SHISA6: variants seen among roughly 807,000 people sequenced by gnomAD.
The protein encoded by SHISA6 is protein shisa-6.
In SHISA6, 22 loss-of-function variants were observed where a neutral mutation model predicts 47.9. The observed-to-expected ratio is 0.46, with a 90% CI of 0.33 to 0.66. The LOEUF is 0.66. Ranked by LOEUF, SHISA6 falls within the 30% of genes least tolerant of loss-of-function variation. SHISA6 has a pLI of 0.02. For missense variants in SHISA6, 680 were observed against 764.6 expected, an observed-to-expected ratio of 0.89 and a Z score of 1.30; for synonymous variants, 388 against 337.8, an observed-to-expected ratio of 1.15 and a Z score of -1.63.
At chr17:11,494,389 T>G (rs2071391164) in intron 3 of SHISA6, among the ~76,000 whole-genome samples, 1 of 152,222 alleles carries the variant, frequency 6.6e-6, no homozygotes, top group African/African-American at 2.4e-5. Flanking sequence ...CTGAATTGTT[T>G]GTTACTTATC....
intron 2 of SHISA6, among the ~76,000 whole-genome samples, chr17:11,319,417 G>T (rs9894162): frequency 6.6e-6 from 1 of 152,062 alleles, no homozygotes; most frequent in Non-Finnish European, 1.5e-5. Flanking sequence ...TGTGTCTGGT[G>T]TAATAGTCTC....
chr17:11,370,290 A>G (rs1053872970), intron 2 of SHISA6, among the ~76,000 whole-genome samples: 1 of 152,192 alleles, frequency 6.6e-6, no homozygotes, highest in African/African-American at 2.4e-5. Context: ...GAAAGCCTAT[A>G]TAATATACAG....
At chr17:11,495,127 A>G (rs553639907) in intron 3 of SHISA6, among the ~76,000 whole-genome samples, 2 of 152,318 alleles carry the variant, frequency 1.3e-5, no homozygotes, top group South Asian at 2.1e-4. Context: ...TCAGAGCTCT[A>G]TCTGGGATAG....
chr17:11,390,685 A>G (rs1913355068), intron 3 of SHISA6, among the ~76,000 whole-genome samples: 2 of 152,188 alleles, frequency 1.3e-5, no homozygotes, highest in Admixed American at 1.3e-4. Context: ...GTCTCATTCT[A>G]TATCCTGCAT....
At chr17:11,278,687 A>G (rs899447169) in intron 2 of SHISA6, among the ~76,000 whole-genome samples, 3 of 152,226 alleles carry the variant, frequency 2.0e-5, no homozygotes, top group African/African-American at 7.2e-5. Flanking sequence ...AGCTGGGCGA[A>G]GGCCACATTT....
intron 2 of SHISA6, among the ~76,000 whole-genome samples, chr17:11,317,902 TG>T (rs1910578453): frequency 6.6e-6 from 1 of 152,100 alleles, no homozygotes; most frequent in Non-Finnish European, 1.5e-5. Context: ...TACAAATATA[TG>T]GGGGTGGTAA....
intron 3 of SHISA6, among the ~76,000 whole-genome samples, chr17:11,510,056 C>T (rs141828048): frequency 7.8e-4 from 119 of 151,956 alleles, no homozygotes; most frequent in African/African-American, 2.5e-3. Context: ...CTGCCTGCAG[C>T]TTTGCACAGA....
intron 3 of SHISA6, among the ~76,000 whole-genome samples, chr17:11,549,499 A>G (rs564019979): frequency 3.3e-5 from 5 of 152,250 alleles, no homozygotes; most frequent in Non-Finnish European, 7.3e-5. Flanking sequence ...TGGTAGGCCA[A>G]TAATATATAT....
intron 3 of SHISA6, among the ~76,000 whole-genome samples, chr17:11,406,659 T>C (rs911946881): frequency 3.3e-5 from 5 of 152,236 alleles, no homozygotes; most frequent in Admixed American, 3.3e-4. Flanking sequence ...TATACCACAA[T>C]GCTACTTTCT....
At chr17:11,462,462 C>T (rs1047559552) in intron 3 of SHISA6, among the ~76,000 whole-genome samples, 1 of 152,190 alleles carries the variant, frequency 6.6e-6, no homozygotes, top group African/African-American at 2.4e-5. Context: ...GAGTGCCAGG[C>T]TGTGTTCTTG....
intron 3 of SHISA6, among the ~76,000 whole-genome samples, chr17:11,384,258 G>A (rs1157223114): frequency 1.3e-5 from 2 of 152,210 alleles, no homozygotes; most frequent in Non-Finnish European, 2.9e-5. Flanking sequence ...AGCTGAGGTG[G>A]TGGATGGGCT....
At chr17:11,407,818 C>T (rs1351245558) in intron 3 of SHISA6, among the ~76,000 whole-genome samples, 1 of 152,084 alleles carries the variant, frequency 6.6e-6, no homozygotes, top group Non-Finnish European at 1.5e-5. Context: ...GTGGTCCAAC[C>T]CCTTGGCTTT....
At chr17:11,304,706 AG>A (rs1910044223) in intron 2 of SHISA6, among the ~76,000 whole-genome samples, 1 of 152,038 alleles carries the variant, frequency 6.6e-6, no homozygotes, top group Non-Finnish European at 1.5e-5. Context: ...AGGAGAAGAG[AG>A]AAGATCCCAA....
intron 3 of SHISA6, among the ~76,000 whole-genome samples, chr17:11,394,596 C>T (rs755782371): frequency 6.6e-6 from 1 of 152,174 alleles, no homozygotes; most frequent in Non-Finnish European, 1.5e-5. Context: ...CTCAATTCTG[C>T]ACCTCCCCCA....
At chr17:11,283,407 T>G (rs569751610) in intron 2 of SHISA6, among the ~76,000 whole-genome samples, 5 of 152,240 alleles carry the variant, frequency 3.3e-5, no homozygotes, top group African/African-American at 9.6e-5. Flanking sequence ...ACTCAAGTTT[T>G]CTGATTCAAG....
chr17:11,558,714 C>T lies in SHISA6; in HGVS notation c.*410C>T, dbSNP rs184203270. On this transcript the variant is annotated 3_prime_UTR_variant, in exon 6 of 6. Coordinates refer to ENST00000441885, the MANE Select transcript of SHISA6 (RefSeq NM_207386.4). ...AGCTGCCTGGGTTTGAAGGGGCCAG[C>T]GGGTCCAATCAGTGGGCTGACCGGA... 18 of 247,380 alleles carry T rather than the reference C, an allele frequency of 7.3e-5. No homozygotes were observed. The highest frequency in any genetic ancestry group is 3.1e-4 in the African/African-American group (14 of 45,228). The allele number at this position is 247,380 out of a possible 1,614,324, so 15.3% of individuals were successfully genotyped here.
chr17:11,285,226 A>G (rs142426508), intron 2 of SHISA6, among the ~76,000 whole-genome samples: 7 of 152,370 alleles, frequency 4.6e-5, no homozygotes, highest in Non-Finnish European at 1.0e-4. Context: ...ATGAGTTGTT[A>G]GAAGTCTGAG....
At chr17:11,499,683 C>CTTTTTTTTTTTTTTTTT (rs372464937) in intron 3 of SHISA6, among the ~76,000 whole-genome samples, 30 of 127,552 alleles carry the variant, frequency 2.4e-4, no homozygotes, top group South Asian at 4.9e-4. Context: ...CTTTTTCTTT[C>CTTTTTTTTTTTTTTTTT]TTTTTTTTTT....
intron 2 of SHISA6, among the ~76,000 whole-genome samples, chr17:11,316,413 CTCTCTCTTTTTTT>C (rs1910521652): frequency 1.1e-5 from 1 of 87,808 alleles, no homozygotes; most frequent in Non-Finnish European, 2.0e-5. Flanking sequence ...CTCTCTCTCT[CTCTCTCTTTTTTT>C]TTTTTTTTTT....
Sources: gnomAD v4.1 joint callset for allele counts (sites outside exome capture counted in the v4.1 genomes callset) on GRCh38, gnomAD v4.1.1 for gene constraint, MANE v1.5 for transcripts, NCBI Gene and HGNC (gene_info 2026-07-23, HGNC 2026-07-21) for gene names.